Variants in SYNE2 observed in about 807,000 individuals in gnomAD.
SYNE2 encodes the protein spectrin repeat containing nuclear envelope protein 2.
A neutral mutation model predicts 856.3 loss-of-function variants in SYNE2; 431 were observed. The ratio of observed to expected loss-of-function variants is 0.50; its 90% CI spans 0.47 to 0.55. The LOEUF is 0.55. Ranked by LOEUF, SYNE2 falls within the 20% of genes least tolerant of loss-of-function variation. SYNE2 has a pLI of 0.00. For synonymous variants in SYNE2, 2,923 were observed against 2,872.3 expected, an observed-to-expected ratio of 1.02 and a Z score of -0.56; for missense variants, 8,129 against 8,023.2, an observed-to-expected ratio of 1.01 and a Z score of -0.50.
chr14:63,815,272 A>T (rs12881182), intron 1 of SYNE2, among the ~76,000 whole-genome samples: 1 of 122,710 alleles, frequency 8.1e-6, no homozygotes, highest in African/African-American at 2.9e-5. Flanking sequence ...GAGTTTATTA[A>T]GGTGTATTAA....
intron 1 of SYNE2, among the ~76,000 whole-genome samples, chr14:63,807,858 TATATATA>T (rs1888437510): frequency 9.6e-6 from 1 of 104,060 alleles, no homozygotes; most frequent in African/African-American, 3.8e-5. Flanking sequence ...TATATATATA[TATATATA>T]ATTTCAATAG....
chr14:63,851,975 CGGGGGGGGGG>C (rs113075796), upstream of SYNE2, among the ~76,000 whole-genome samples: 3 of 23,566 alleles, frequency 1.3e-4, no homozygotes, highest in South Asian at 2.6e-3. Flanking sequence ...AGCTACTAAG[CGGGGGGGGGG>C]GGGGGGGGAA....
chr14:63,955,600 G>A (rs1252921080), intron 8 of SYNE2, among the ~76,000 whole-genome samples: 2 of 152,072 alleles, frequency 1.3e-5, no homozygotes, highest in Non-Finnish European at 2.9e-5. Flanking sequence ...TGAACGAATA[G>A]GTCAAGCACG....
chr14:64,043,815 C>T (rs905240923), intron 45 of SYNE2, among the ~76,000 whole-genome samples: 1 of 152,218 alleles, frequency 6.6e-6, no homozygotes, highest in African/African-American at 2.4e-5. Context: ...TCTGCTAAGG[C>T]AGTGCAGAAG....
chr14:64,050,793 T>C (rs1595144487), intron 47 of SYNE2, among the ~76,000 whole-genome samples: 1 of 151,924 alleles, frequency 6.6e-6, no homozygotes, highest in Non-Finnish European at 1.5e-5. Context: ...CTGAGGCAGG[T>C]GGATCACTTA....
chr14:63,879,459 C>T (rs2094808071), intron 1 of SYNE2, among the ~76,000 whole-genome samples: 1 of 152,298 alleles, frequency 6.6e-6, no homozygotes, highest in South Asian at 2.1e-4. Flanking sequence ...GTCTCCATCC[C>T]TTGAATTCTG....
chr14:63,905,523 T>C (rs1486272755), intron 1 of SYNE2, among the ~76,000 whole-genome samples: 1 of 152,194 alleles, frequency 6.6e-6, no homozygotes, highest in Non-Finnish European at 1.5e-5. Context: ...TTCACCTCTT[T>C]GGTTAGCTGT....
rs891481416 is a variant in SYNE2, at chr14:64,170,474, A to G, written c.17235+12A>G. 9 of 1,599,936 alleles carry G rather than the reference A, an allele frequency of 5.6e-6. No individual in the cohort carries two copies. The highest frequency in any genetic ancestry group is 6.0e-6 in the Non-Finnish European group (7 of 1,172,172). On this transcript the variant is annotated intron_variant, in intron 94 of 115. Transcript: ENST00000555002. ...TCCATGAGCTGAAGGTAGTGTATGC[A>G]TCGTAGCAGTGTGAGAACCACAGGG...
chr14:64,085,024 T>A (rs1241079239), intron 57 of SYNE2: 2 of 702,244 alleles, frequency 2.8e-6, no homozygotes, highest in Non-Finnish European at 2.6e-6. Flanking sequence ...TCCCTCAGCA[T>A]AAACAATCTC....
rs117643417 is a variant in SYNE2, at chr14:64,009,711, C to G, written c.4578-255C>G. Among the ~76,000 whole-genome samples the G allele has an allele frequency of 1.1e-3, 162 of 152,152 alleles. 3 individuals are homozygous for G. In the East Asian group the frequency reaches 0.015, roughly 14 times the overall value. ...CCTTAGGGTGATGAATCTTGTGTTT[C>G]TTTCTAGACCTTACATCTGGTAACT... On this transcript the variant is annotated intron_variant, in intron 31 of 115. Coordinates refer to ENST00000555002, the MANE Select transcript of SYNE2 (RefSeq NM_182914.3).
intron 45 of SYNE2, among the ~76,000 whole-genome samples, chr14:64,044,233 A>G (rs1489161190): frequency 6.6e-6 from 1 of 152,172 alleles, no homozygotes; most frequent in East Asian, 1.9e-4. Context: ...GAGTCAAACG[A>G]GATCATTTTG....
At chr14:64,222,439 G>A (rs1055393899) in intron 112 of SYNE2, among the ~76,000 whole-genome samples, 4 of 152,134 alleles carry the variant, frequency 2.6e-5, no homozygotes, top group Admixed American at 6.5e-5. Flanking sequence ...CATGTAGGCC[G>A]GGCACGGTGG....
At chr14:64,155,253 G>A (rs889884474) in intron 85 of SYNE2, among the ~76,000 whole-genome samples, 1 of 151,740 alleles carries the variant, frequency 6.6e-6, no homozygotes, top group Non-Finnish European at 1.5e-5. Flanking sequence ...AGAAAACGTG[G>A]TCTATCCATA....
At chr14:64,018,548 C>T (rs2096912599) in intron 34 of SYNE2, among the ~76,000 whole-genome samples, 1 of 152,110 alleles carries the variant, frequency 6.6e-6, no homozygotes, top group Non-Finnish European at 1.5e-5. Context: ...AGCCAGCAGA[C>T]TTTTTCTTAA....
intron 1 of SYNE2, among the ~76,000 whole-genome samples, chr14:63,765,656 C>T (rs892922891): frequency 1.3e-5 from 2 of 152,060 alleles, no homozygotes; most frequent in Non-Finnish European, 1.5e-5. Flanking sequence ...CACACCCAGC[C>T]CATATGTCAT....
chr14:63,853,516 C>G (rs1033281749), intron 1 of SYNE2, among the ~76,000 whole-genome samples: 3 of 151,748 alleles, frequency 2.0e-5, no homozygotes, highest in South Asian at 4.1e-4. Context: ...CGGCCGCCCC[C>G]TCCCGGGCCC....
intron 80 of SYNE2, among the ~76,000 whole-genome samples, chr14:64,140,362 C>G (rs1299089870): frequency 6.6e-6 from 1 of 152,142 alleles, no homozygotes; most frequent in Non-Finnish European, 1.5e-5. Context: ...GGCAGTGGAT[C>G]AGCTGAGATC....
intron 60 of SYNE2, among the ~76,000 whole-genome samples, chr14:64,092,903 C>T (rs2097639014): frequency 6.6e-6 from 1 of 152,218 alleles, no homozygotes; most frequent in Non-Finnish European, 1.5e-5. Context: ...TCACTGACCT[C>T]ACATGCTCTG....
chr14:63,888,748 G>A (rs1210128593), intron 1 of SYNE2, among the ~76,000 whole-genome samples: 1 of 152,172 alleles, frequency 6.6e-6, no homozygotes, highest in African/African-American at 2.4e-5. Context: ...AGATGTTTTA[G>A]GAGACTAATC....
Sources: gnomAD v4.1 joint callset for allele counts (sites outside exome capture counted in the v4.1 genomes callset) on GRCh38, gnomAD v4.1.1 for gene constraint, MANE v1.5 for transcripts, NCBI Gene and HGNC (gene_info 2026-07-23, HGNC 2026-07-21) for gene names.